The following REXO4 variants were observed in gnomAD, a reference collection of about 807,000 sequenced individuals.
REXO4 encodes the protein REX4 homolog, 3'-5' exonuclease.
REXO4 carries 29 observed loss-of-function variants against 39.9 expected under a neutral mutation model. The observed-to-expected ratio is 0.73, with a 90% CI of 0.54 to 0.99. The LOEUF (loss-of-function observed/expected upper bound fraction) is 0.99, where lower values mean the gene tolerates loss of function less well. Ranked by LOEUF, REXO4 falls within the 50% of genes least tolerant of loss-of-function variation. REXO4 has a pLI of 0.00. For synonymous variants in REXO4, 184 were observed against 206.2 expected (o/e 0.89, Z 0.92); for missense variants, 524 against 546.5 (o/e 0.96, Z 0.41).
At chr9:133,414,000 C>T (rs1296544046) in intron 2 of REXO4, among the ~76,000 whole-genome samples, 1 of 152,264 alleles carries the variant, frequency 6.6e-6, no homozygotes, top group African/African-American at 2.4e-5. Flanking sequence ...GAACACGTCA[C>T]CTCCAGCTGA....
chr9:133,412,728 C>A (rs1839288803), intron 3 of REXO4, 50 bp downstream of exon 3: 2 of 1,598,258 alleles, frequency 1.3e-6, no homozygotes, highest in Non-Finnish European at 1.7e-6. Context: ...AAGCCCCGCC[C>A]TCCACGGCTA....
At position 133,417,822 on chromosome 9, in the gene REXO4, G is replaced by T; in HGVS notation, c.23C>A (p.Ala8Asp). ...GGGGCTGCTCGGGGCGCGCTTGGAG[G>T]CGGGGACCTTCGCCTTCCCCATCCT... MGKAKVPASKRAPSSPVA... is the reference protein window; with the variant it reads MGKAKVPDSKRAPSSPVA... Residue 8 changes from alanine (A) to aspartate (D), a missense_variant, in exon 1 of 8, where the codon GCC becomes GAC. Physicochemically the swap from Ala to Asp is moderately radical, Grantham distance 126. Coordinates refer to ENST00000371942, the MANE Select transcript of REXO4 (RefSeq NM_020385.4). 1 of 1,603,302 alleles carries T rather than the reference G, an allele frequency of 6.2e-7. No homozygotes were observed. Among genetic ancestry groups the T allele is most frequent in the Non-Finnish European group, 8.5e-7 (1 of 1,179,736 alleles).
chr9:133,408,654 TAA>T, intron 6 of REXO4, 112 bp downstream of exon 6: 1 of 722,726 alleles, frequency 1.4e-6, no homozygotes. Flanking sequence ...TTTTAAAGGT[TAA>T]AAGAAAAAAC....
intron 1 of REXO4, among the ~76,000 whole-genome samples, chr9:133,415,296 G>A (rs1213450697): frequency 6.6e-6 from 1 of 152,042 alleles, no homozygotes; most frequent in South Asian, 2.1e-4. Flanking sequence ...TACACCTTGG[G>A]TACCTGTTGA....
At position 133,406,997 on chromosome 9, in the gene REXO4, G is replaced by C; in HGVS notation, c.1225C>G (p.Arg409Gly). The change falls in exon 8 of 8, where the codon CGC becomes GGC. Residue 409 changes from arginine (R) to glycine (G), a missense_variant. By Grantham distance (125) the Arg-to-Gly change is moderately radical. Coordinates refer to ENST00000371942, the MANE Select transcript of REXO4 (RefSeq NM_020385.4). ...TGGTCTGGAGCAGTCAGCAGGGGGC[G>C]CCTGTCTCGGGCCATGCTCTCCCAC... ...KEWESMARDRRPLLTAPDHCS... is the reference protein window; with the variant it reads ...KEWESMARDRGPLLTAPDHCS... 1 of 1,612,850 alleles carries C rather than the reference G, an allele frequency of 6.2e-7. No individual in the cohort carries two copies.
intron 3 of REXO4, 112 bp from the exon 4 acceptor site, chr9:133,412,604 C>G (rs782807657): frequency 7.7e-6 from 11 of 1,422,470 alleles, no homozygotes; most frequent in Non-Finnish European, 1.1e-5. Context: ...CTCTCTGCCC[C>G]TCACTCATTT....
rs782043009 is a variant in REXO4 at position 133,406,695 on chromosome 9, C to T, written c.*258G>A. ...CCCAGGGGGTCAGCAGTCGGTAAAGCGTGGCCAGGCGTGCCCATGGCCGTC... is the reference window on the plus strand; with the variant it reads ...CCCAGGGGGTCAGCAGTCGGTAAAGTGTGGCCAGGCGTGCCCATGGCCGTC... On this transcript the variant is annotated 3_prime_UTR_variant, in exon 8 of 8. Coordinates refer to ENST00000371942, the MANE Select transcript of REXO4 (RefSeq NM_020385.4). 3.1e-5 allele frequency: 16 copies of T among 513,048 alleles called. No individual in the cohort carries two copies. The highest frequency in any genetic ancestry group is 4.2e-5 in the Non-Finnish European group (12 of 284,926). The allele number at this position is 513,048 out of a possible 1,614,324, so 31.8% of individuals were successfully genotyped here. A position where few individuals can be genotyped will look rare whatever the true frequency, so the allele number is the denominator to read the frequency against.
At position 133,406,908 on chromosome 9, in the gene REXO4, A is replaced by C. The variant is rs945374542; in HGVS notation, c.*45T>G. 28 of 1,604,470 alleles carry C rather than the reference A, an allele frequency of 1.7e-5. No individual in the cohort carries two copies. The highest frequency in any genetic ancestry group is 2.0e-5 in the Non-Finnish European group (24 of 1,179,710). ...ATGTGATCTGTCCCTGTGACTGGTC[A>C]CATTGCCTCTGTAGCGGGGCGGCAG... On this transcript the variant is annotated 3_prime_UTR_variant, in exon 8 of 8. Coordinates refer to ENST00000371942, the MANE Select transcript of REXO4 (RefSeq NM_020385.4).
rs376943789 is a variant in REXO4, at chr9:133,412,441, C to A, written c.768G>T (p.Lys256Asn). 2 of 1,614,040 alleles carry A rather than the reference C, an allele frequency of 1.2e-6. No individual in the cohort carries two copies. The highest frequency in any genetic ancestry group is 1.3e-5 in the African/African-American group (1 of 74,930). ...LDCEMVGVGPKGEESMAARVS... is the reference protein window; with the variant it reads ...LDCEMVGVGPNGEESMAARVS... The stretch of plus-strand genomic sequence containing the variant: ...CACGGGCGGCCATGCTCTCCTCCCC[C>A]TTAGGGCCCACGCCCACCATCTCAC... Residue 256 changes from lysine to asparagine, a missense_variant, in exon 4 of 8, where the codon AAG becomes AAT. By Grantham distance (94) the Lys-to-Asn change is moderately conservative. Transcript: ENST00000371942.
intron 1 of REXO4, 32 bp from the exon 2 acceptor site, chr9:133,415,043 T>C: frequency 6.5e-7 from 1 of 1,546,222 alleles, no homozygotes; most frequent in Non-Finnish European, 8.7e-7. Flanking sequence ...ATGCTGCATT[T>C]GAATTTGGAA....
chr9:133,406,950 C>G lies in REXO4; in HGVS notation c.*3G>C, dbSNP rs1838907817. 1.2e-6 allele frequency: 2 copies of G among 1,610,400 alleles called. No individual in the cohort carries two copies. Among genetic ancestry groups the G allele is most frequent in the Non-Finnish European group, 1.7e-6 (2 of 1,179,996 alleles). On this transcript the variant is annotated 3_prime_UTR_variant, in exon 8 of 8. Transcript: ENST00000371942. ...GGGCGGCAGCAGCAGCAGGGCAGGA[C>G]TGCTAGGCGTCGTCACTGCAGTGGT...
chr9:133,407,922 C>G, intron 6 of REXO4, 41 bp from the exon 7 acceptor site: 1 of 1,537,618 alleles, frequency 6.5e-7, no homozygotes, highest in South Asian at 1.1e-5. Context: ...TCTGCAGGCT[C>G]GGCCCAAAGA....
At chr9:133,408,941 T>C in intron 5 of REXO4, 99 bp from the exon 6 acceptor site, 1 of 317,506 alleles carries the variant, frequency 3.1e-6, no homozygotes, top group East Asian at 5.2e-5. Flanking sequence ...TCTTTGTGTG[T>C]GTGTGTGTGT....
In REXO4 at chr9:133,408,616, G is replaced by C. The variant is rs587710760; in HGVS notation, c.1074+152C>G. ...TCATTTTTAAGGTCAGCAATTAGCA[G>C]AACTCTATTTTTAAACATTCCTTCT... On this transcript the variant is annotated intron_variant, in intron 6 of 7. Transcript: ENST00000371942. 35 of 623,140 alleles carry C rather than the reference G, an allele frequency of 5.6e-5. No individual in the cohort carries two copies. In the African/African-American group the frequency reaches 5.8e-4, roughly 10 times the overall value. 38.6% of individuals were successfully genotyped at this position (623,140 alleles called of 1,614,324 possible). A position where few individuals can be genotyped will look rare whatever the true frequency, so the allele number is the denominator to read the frequency against.
intron 5 of REXO4, among the ~76,000 whole-genome samples, chr9:133,409,710 C>T (rs1029630291): frequency 6.6e-6 from 1 of 152,108 alleles, no homozygotes; most frequent in Non-Finnish European, 1.5e-5. Flanking sequence ...AACAGGCACA[C>T]GCCACCACAC....
Position 133,417,793 on chromosome 9 carries a change from C to T in REXO4, c.52G>A (p.Ala18Thr). 1 of 1,609,178 alleles carries T rather than the reference C, an allele frequency of 6.2e-7. No homozygotes were observed. Among genetic ancestry groups the T allele is most frequent in the South Asian group, 1.1e-5 (1 of 91,074 alleles). ...ASKRAPSSPV[A>T]KPGPVKTLTR... is the part of the protein sequence containing the mutation. The stretch of plus-strand genomic sequence containing the variant: ...AGCGTCTTGACAGGACCCGGCTTAG[C>T]CACGGGGCTGCTCGGGGCGCGCTTG... Residue 18 changes from alanine (A) to threonine (T), a missense_variant, in exon 1 of 8, where the codon GCT becomes ACT. By Grantham distance (58) the Ala-to-Thr change is moderately conservative. Coordinates refer to ENST00000371942, the MANE Select transcript of REXO4 (RefSeq NM_020385.4).
chr9:133,417,632 C>A lies in REXO4; in HGVS notation c.213G>T (p.Lys71Asn), dbSNP rs868543227. Residue 71 changes from lysine (K) to asparagine (N), a missense_variant, in exon 1 of 8, where the codon AAG (lysine) becomes AAT (asparagine). By Grantham distance (94) the Lys-to-Asn change is moderately conservative (BLOSUM62 0). Transcript: ENST00000371942. ...KAPEDFSQNW[K>N]ALQEWLLKQK... The stretch of plus-strand genomic sequence containing the variant: ...CCTCAAGCCTCACCTCTTGCAGCGC[C>A]TTCCAGTTTTGAGAAAAGTCTTCTG... 1.9e-6 allele frequency: 3 copies of A among 1,613,856 alleles called. No individual in the cohort carries two copies. The African/African-American group carries it at 4.0e-5, about 21-fold the overall frequency.
rs989661880 is a variant in REXO4, at chr9:133,417,947, ACACC to A, written c.-107_-104del. 7 of 1,097,696 alleles carry A rather than the reference ACACC, an allele frequency of 6.4e-6. No homozygotes were observed. Among genetic ancestry groups the A allele is most frequent in the Non-Finnish European group, 7.7e-6 (6 of 782,690 alleles). 68.0% of individuals were successfully genotyped at this position (1,097,696 alleles called of 1,614,324 possible). On this transcript the variant is annotated 5_prime_UTR_variant, in exon 1 of 8. Transcript: ENST00000371942. ...GCGCCTGCCCAGGCCAGGCCGAAAC[ACACC>A]CACCGCAGGGACCCCGTCCAGGAAA...
At chr9:133,414,099 C>T (rs145708604) in intron 2 of REXO4, among the ~76,000 whole-genome samples, 2 of 152,316 alleles carry the variant, frequency 1.3e-5, no homozygotes, top group Non-Finnish European at 2.9e-5. Flanking sequence ...TTTTGAGAGT[C>T]TTGCTCCGTC....
Sources: allele counts gnomAD v4.1 joint callset (sites outside exome capture counted in the v4.1 genomes callset), GRCh38; gene constraint gnomAD v4.1.1; transcripts MANE v1.5; gene names NCBI Gene and HGNC (gene_info 2026-07-23, HGNC 2026-07-21).